The following CHLSN variants were observed in gnomAD, a reference collection of about 807,000 sequenced individuals.
CHLSN encodes the protein cholesin, also known as protein cholesin.
the CHLSN span, among the ~76,000 whole-genome samples, chr7:1,124,174 T>A: frequency 6.6e-6 from 1 of 152,168 alleles, no homozygotes; most frequent in Non-Finnish European, 1.5e-5. Context: ...AATAATCACA[T>A]ACTTTAAAAT....
chr7:1,076,612 G>A, the CHLSN span, among the ~76,000 whole-genome samples: 3 of 152,266 alleles, frequency 2.0e-5, no homozygotes, highest in African/African-American at 7.2e-5. Context: ...AAAGGTCTAT[G>A]CTTTCAGTTT....
the CHLSN span, among the ~76,000 whole-genome samples, chr7:1,119,907 A>G: frequency 6.6e-6 from 1 of 152,008 alleles, no homozygotes; most frequent in African/African-American, 2.4e-5. Context: ...AGAATGCTCA[A>G]CAAAAGATTC....
chr7:1,057,626 C>A, the CHLSN span: 1 of 769,326 alleles, frequency 1.3e-6, no homozygotes, highest in East Asian at 2.4e-5. Context: ...TGGTGGTGGG[C>A]GTGCCAGTGG....
the CHLSN span, among the ~76,000 whole-genome samples, chr7:1,032,919 A>G: frequency 6.6e-6 from 1 of 151,870 alleles, no homozygotes. Context: ...GCTCCTCACT[A>G]CCCTGCCCGG....
chr7:1,127,601 T>G, the CHLSN span, among the ~76,000 whole-genome samples: 1 of 152,000 alleles, frequency 6.6e-6, no homozygotes, highest in Non-Finnish European at 1.5e-5. Context: ...TTCTGTCTTT[T>G]TTTTTTTTGA....
At chr7:1,058,186 C>T in the CHLSN span, 65 of 741,398 alleles carry the variant, frequency 8.8e-5, no homozygotes, top group African/African-American at 2.7e-4. Context: ...GACCGGGACA[C>T]GGGCCGGCTG....
At chr7:1,048,853 CCTT>C in the CHLSN span, among the ~76,000 whole-genome samples, 1 of 152,208 alleles carries the variant, frequency 6.6e-6, no homozygotes, top group Non-Finnish European at 1.5e-5. Context: ...AGCAGGTTCT[CCTT>C]CTCAGTCCCA....
chr7:1,068,139 C>G, the CHLSN span, among the ~76,000 whole-genome samples: 1 of 152,178 alleles, frequency 6.6e-6, no homozygotes, highest in Non-Finnish European at 1.5e-5. Flanking sequence ...TAGCAGAGGG[C>G]AAAGCCTTGA....
chr7:1,012,797 G>A, the CHLSN span, among the ~76,000 whole-genome samples: 6 of 152,200 alleles, frequency 3.9e-5, 1 homozygote, highest in Admixed American at 2.6e-4. Context: ...TCCACTCTGC[G>A]CCATCGGCTG....
At chr7:1,093,263 A>G in the CHLSN span, 1 of 452,748 alleles carries the variant, frequency 2.2e-6, no homozygotes, top group African/African-American at 2.0e-5. Flanking sequence ...CAGGAACCCT[A>G]AAGCAAATCT....
the CHLSN span, among the ~76,000 whole-genome samples, chr7:1,050,833 G>A: frequency 5.9e-5 from 9 of 152,192 alleles, no homozygotes; most frequent in Non-Finnish European, 1.0e-4. Flanking sequence ...ATCCACAGGC[G>A]CTCGGCAGGG....
At chr7:1,009,902 G>T in the CHLSN span, 9 of 1,456,776 alleles carry the variant, frequency 6.2e-6, no homozygotes, top group Non-Finnish European at 8.2e-6. Context: ...TCAGGCAGGG[G>T]TTGAGACGCA....
chr7:1,102,009 A>G, the CHLSN span, among the ~76,000 whole-genome samples: 1 of 152,226 alleles, frequency 6.6e-6, no homozygotes, highest in Admixed American at 6.5e-5. Context: ...GGTCTTGCCC[A>G]TAGAAGTCAT....
chr7:1,069,455 C>T, the CHLSN span, among the ~76,000 whole-genome samples: 1 of 148,210 alleles, frequency 6.7e-6, no homozygotes, highest in Non-Finnish European at 1.5e-5. Context: ...ACTGCAACCT[C>T]CCTGCCTGAT....
chr7:1,060,862 C>A, the CHLSN span, among the ~76,000 whole-genome samples: 1 of 152,330 alleles, frequency 6.6e-6, no homozygotes, highest in South Asian at 2.1e-4. Context: ...TGCGCGGAAA[C>A]CCTGGCATCC....
the CHLSN span, chr7:1,055,274 C>G: frequency 2.1e-6 from 1 of 471,198 alleles, no homozygotes; most frequent in Non-Finnish European, 4.4e-6. Flanking sequence ...GGGAACTTAC[C>G]AGAGGAAAAC....
the CHLSN span, among the ~76,000 whole-genome samples, chr7:1,098,960 A>T: frequency 6.6e-6 from 1 of 152,262 alleles, no homozygotes; most frequent in Non-Finnish European, 1.5e-5. Flanking sequence ...ACACTTCAGA[A>T]GAGTGGATTT....
chr7:991,584 G>T, the CHLSN span, among the ~76,000 whole-genome samples: 1 of 152,226 alleles, frequency 6.6e-6, no homozygotes, highest in Non-Finnish European at 1.5e-5. Flanking sequence ...TCAGGCTGCC[G>T]GCCAGGTGCA....
the CHLSN span, among the ~76,000 whole-genome samples, chr7:1,051,179 C>T: frequency 6.6e-6 from 1 of 152,200 alleles, no homozygotes; most frequent in East Asian, 1.9e-4. Flanking sequence ...TCCTGTCACT[C>T]AGAGAAGCTG....
Sources: gnomAD v4.1 joint callset for allele counts (sites outside exome capture counted in the v4.1 genomes callset) on GRCh38, gnomAD v4.1.1 for gene constraint, MANE v1.5 for transcripts, NCBI Gene and HGNC (gene_info 2026-07-23, HGNC 2026-07-21) for gene names.